Variants in KIFC3 observed in about 807,000 individuals in gnomAD.
The protein encoded by KIFC3 is kinesin-like protein KIFC3.
A neutral mutation model predicts 101.8 loss-of-function variants in KIFC3; 60 were observed. The observed-to-expected ratio is 0.59, with a 90% CI of 0.48 to 0.73. The LOEUF (loss-of-function observed/expected upper bound fraction) is 0.73. Among genes scored for constraint, KIFC3 ranks in the 30% least tolerant of loss-of-function variants. The pLI is 0.00. For missense variants in KIFC3, 966 were observed against 1,137.1 expected, an observed-to-expected ratio of 0.85 and a Z score of 2.16; for synonymous variants, 476 against 482.7, an observed-to-expected ratio of 0.99 and a Z score of 0.18.
At chr16:57,779,202 C>G (rs1018195551) in intron 3 of KIFC3, among the ~76,000 whole-genome samples, 5 of 152,102 alleles carry the variant, frequency 3.3e-5, no homozygotes, top group African/African-American at 9.7e-5. Context: ...AATGGAAAAA[C>G]AAAACAAACA....
intron 18 of KIFC3, chr16:57,759,450 CA>C (rs782789315): frequency 4.3e-5 from 25 of 580,658 alleles, no homozygotes; most frequent in East Asian, 3.4e-4. Context: ...GCTCAGAGAG[CA>C]GGGTCCCAGG....
intron 2 of KIFC3, among the ~76,000 whole-genome samples, chr16:57,796,995 CT>C (rs1568051308): frequency 6.6e-6 from 1 of 152,256 alleles, no homozygotes; most frequent in Non-Finnish European, 1.5e-5. Context: ...AAAGCCCAGG[CT>C]TTTCCCCAGG....
chr16:57,787,154 G>A (rs1020321238), intron 3 of KIFC3, among the ~76,000 whole-genome samples: 1 of 152,244 alleles, frequency 6.6e-6, no homozygotes, highest in Admixed American at 6.5e-5. Context: ...CGTGACCAGC[G>A]TGGCCCTCAG....
At chr16:57,813,203 C>G (rs1279467976) in intron 1 of KIFC3, among the ~76,000 whole-genome samples, 1 of 152,048 alleles carries the variant, frequency 6.6e-6, no homozygotes, top group Non-Finnish European at 1.5e-5. Flanking sequence ...TGGTGCACGC[C>G]TGTGATCCCA....
At chr16:57,811,053 G>C (rs2055059490) in intron 1 of KIFC3, among the ~76,000 whole-genome samples, 1 of 152,202 alleles carries the variant, frequency 6.6e-6, no homozygotes, top group African/African-American at 2.4e-5. Context: ...CCAGCTGGAA[G>C]GGATGGTCCT....
intron 1 of KIFC3, among the ~76,000 whole-genome samples, chr16:57,830,316 C>T (rs2055552013): frequency 6.7e-6 from 1 of 148,172 alleles, no homozygotes; most frequent in Non-Finnish European, 1.5e-5. Context: ...CGGCTCTCTG[C>T]AGCCTCCCCC....
chr16:57,786,176 G>C (rs2053297521), intron 3 of KIFC3, among the ~76,000 whole-genome samples: 1 of 152,216 alleles, frequency 6.6e-6, no homozygotes, highest in South Asian at 2.1e-4. Flanking sequence ...GTATGTGCGA[G>C]GGACAGACAG....
At chr16:57,852,426 G>A (rs968020783) in intron 1 of KIFC3, among the ~76,000 whole-genome samples, 1 of 152,170 alleles carries the variant, frequency 6.6e-6, no homozygotes, top group African/African-American at 2.4e-5. Context: ...AGAGAAGGCA[G>A]GAGGCCAGAG....
At position 57,769,138 on chromosome 16, in the gene KIFC3, A is replaced by C. The variant is rs1360959101; in HGVS notation, c.1218+457T>G. Among the ~76,000 whole-genome samples the C allele has an allele frequency of 6.6e-6, 1 of 152,126 alleles. No individual in the cohort carries two copies. Among genetic ancestry groups the C allele is most frequent in the African/African-American group, 2.4e-5 (1 of 41,428 alleles). ...AACCTCCGCCTTCTGGGTTCAAGTG[A>C]TTCTCCTGCCTCAGCCTCCCGAGTA... On this transcript the variant is annotated intron_variant, in intron 9 of 19. Coordinates refer to ENST00000445690, the MANE Select transcript of KIFC3 (RefSeq NM_001130100.2). This position sits in a 1 kb window ranked among gnomAD's most constrained non-coding sequence, Gnocchi z 4.3.
chr16:57,758,990 A>C (rs1301522515), intron 19 of KIFC3, 81 bp from the exon 20 acceptor site: 3 of 1,536,392 alleles, frequency 2.0e-6, no homozygotes, highest in Non-Finnish European at 2.6e-6. Flanking sequence ...AGCAGGAGGG[A>C]ACCCAGCAAA....
At chr16:57,844,398 T>C (rs183638) in intron 1 of KIFC3, among the ~76,000 whole-genome samples, 134,952 of 147,766 alleles carry the variant, frequency 0.91, 61,791 homozygotes, top group East Asian at 1. Flanking sequence ...CCATTGCACT[T>C]CAGCTTTGGG....
intron 3 of KIFC3, among the ~76,000 whole-genome samples, chr16:57,783,460 C>T (rs75712280): frequency 0.05 from 6,257 of 126,394 alleles, 148 homozygotes; most frequent in Middle Eastern, 0.06. Context: ...TCCACAAAGC[C>T]CATTTTCTTT....
intron 3 of KIFC3, chr16:57,788,478 G>A (rs1568027418): frequency 1.8e-6 from 2 of 1,113,540 alleles, no homozygotes; most frequent in African/African-American, 1.6e-5. Context: ...TCCAGCCGGG[G>A]AGGACAGGGC....
chr16:57,818,406 C>A (rs1555629298), intron 1 of KIFC3, among the ~76,000 whole-genome samples: 1 of 152,174 alleles, frequency 6.6e-6, no homozygotes, highest in Non-Finnish European at 1.5e-5. Flanking sequence ...CCTCTGTCAC[C>A]CAGGCTGGAG....
upstream of KIFC3, chr16:57,802,889 T>TAG (rs1388655666): frequency 1.1e-5 from 15 of 1,326,236 alleles, no homozygotes; most frequent in African/African-American, 2.2e-4. The surrounding 1 kb of genome is among the most constrained non-coding windows in gnomAD (Gnocchi z 5.0). Flanking sequence ...TACTCACACA[T>TAG]ACACTTCTCA....
chr16:57,832,141 C>T (rs1299597132), intron 1 of KIFC3, among the ~76,000 whole-genome samples: 1 of 151,894 alleles, frequency 6.6e-6, no homozygotes, highest in Non-Finnish European at 1.5e-5. Context: ...TTGCCTCAGC[C>T]TCCCAAGTAG....
chr16:57,856,144 C>A (rs1437700383), intron 1 of KIFC3, among the ~76,000 whole-genome samples: 1 of 150,560 alleles, frequency 6.6e-6, no homozygotes, highest in Admixed American at 6.7e-5. Flanking sequence ...GGCAACATAG[C>A]AAGACCCTGT....
At chr16:57,854,386 G>C (rs1237170558) in intron 1 of KIFC3, among the ~76,000 whole-genome samples, 1 of 152,196 alleles carries the variant, frequency 6.6e-6, no homozygotes, top group African/African-American at 2.4e-5. Flanking sequence ...CCAGCACTTT[G>C]GGAGGCCAAG....
chr16:57,773,358 T>C (rs56397929), intron 3 of KIFC3, among the ~76,000 whole-genome samples: 14,085 of 152,152 alleles, frequency 0.093, 812 homozygotes, highest in African/African-American at 0.15. Flanking sequence ...CAAGAACCCT[T>C]TAAGAAGGCG....
Sources: gnomAD v4.1 joint callset for allele counts (sites outside exome capture counted in the v4.1 genomes callset) on GRCh38, gnomAD v4.1.1 for gene constraint, Gnocchi (gnomAD v3.1) non-coding constraint, MANE v1.5 for transcripts, NCBI Gene and HGNC (gene_info 2026-07-23, HGNC 2026-07-21) for gene names.